The following CNTNAP5 variants were observed in gnomAD, a reference collection of about 807,000 sequenced individuals.
CNTNAP5 encodes contactin associated protein family member 5.
CNTNAP5 carries 72 observed loss-of-function variants against 150.2 expected under a neutral mutation model. The ratio of observed to expected loss-of-function variants is 0.48; its 90% confidence interval spans 0.40 to 0.58. The LOEUF is 0.58. Among genes scored for constraint, CNTNAP5 ranks in the 20% least tolerant of loss-of-function variants. The pLI is 0.00. For synonymous variants in CNTNAP5, 672 were observed against 619.8 expected (o/e 1.08, Z -1.25); for missense variants, 1,636 against 1,626.2 (o/e 1.01, Z -0.10).
At chr2:124,593,020 T>C (rs1290918208) in intron 11 of CNTNAP5, among the ~76,000 whole-genome samples, 1 of 151,708 alleles carries the variant, frequency 6.6e-6, no homozygotes, top group Non-Finnish European at 1.5e-5. Context: ...TTTTGAATCA[T>C]TGTTAGTAAT....
chr2:124,061,010 A>G (rs959522278), intron 1 of CNTNAP5, among the ~76,000 whole-genome samples: 2 of 152,090 alleles, frequency 1.3e-5, no homozygotes, highest in African/African-American at 4.8e-5. Flanking sequence ...TGCCAGTGCC[A>G]TTTACTGCAT....
chr2:124,687,473 T>C (rs1315612130), intron 13 of CNTNAP5, among the ~76,000 whole-genome samples: 1 of 152,092 alleles, frequency 6.6e-6, no homozygotes, highest in Non-Finnish European at 1.5e-5. Context: ...ATCTGAAATG[T>C]GCTACTCTGC....
Position 124,689,296 on chromosome 2 carries a change from G to A in CNTNAP5, c.2077+41338G>A, listed in dbSNP as rs551445173. On this transcript the variant is annotated intron_variant, in intron 13 of 23. Transcript: ENST00000682447. Reference sequence around the variant, plus strand: ...AATTTTAAACAAATTAACCATTATCGGGATGAAGATATTTGTAGAGGCCTA... The same window carrying A: ...AATTTTAAACAAATTAACCATTATCAGGATGAAGATATTTGTAGAGGCCTA... 2.4e-4 allele frequency among the ~76,000 whole-genome samples: 36 copies of A among 152,148 alleles called. No individual in the cohort carries two copies. In the East Asian group the frequency reaches 4.3e-3, roughly 18 times the overall value.
intron 1 of CNTNAP5, among the ~76,000 whole-genome samples, chr2:124,162,084 CT>C (rs1302179249): frequency 6.6e-6 from 1 of 152,100 alleles, no homozygotes; most frequent in African/African-American, 2.4e-5. Context: ...ACCTGAAAGC[CT>C]TGGGCAAGCT....
In CNTNAP5 at chr2:124,914,128, T is replaced by G; in HGVS notation, c.3764T>G (p.Ile1255Ser). ...IAVVIFIIFC[I>S]IGIMTRFLYQ... ...GTGGTGATATTCATCATCTTCTGTA[T>G]CATCGGCATCATGACCCGGTTCCTC... The change falls in exon 24 of 24, where the codon ATC becomes AGC. Residue 1255 changes from isoleucine (I) to serine (S), a missense_variant. Ile to Ser is a moderately radical substitution (Grantham distance 142). Coordinates refer to ENST00000682447, the MANE Select transcript of CNTNAP5 (RefSeq NM_001367498.1). The G allele has an allele frequency of 3.7e-6, 6 of 1,612,560 alleles. No individual in the cohort carries two copies. Among genetic ancestry groups the G allele is most frequent in the Non-Finnish European group, 5.1e-6 (6 of 1,178,962 alleles).
At chr2:124,301,291 G>A (rs796077544) in intron 3 of CNTNAP5, among the ~76,000 whole-genome samples, 13 of 152,310 alleles carry the variant, frequency 8.5e-5, no homozygotes, top group African/African-American at 3.1e-4. Context: ...ATCGATCAAC[G>A]TGTTAAACTA....
intron 11 of CNTNAP5, among the ~76,000 whole-genome samples, chr2:124,594,714 A>C (rs1696782220): frequency 7.3e-6 from 1 of 137,088 alleles, no homozygotes; most frequent in Non-Finnish European, 1.6e-5. Flanking sequence ...TTGAATCTGT[A>C]AATTACCTTG....
intron 6 of CNTNAP5, among the ~76,000 whole-genome samples, chr2:124,448,269 AAATAATAAT>A (rs869148616): frequency 1.4e-5 from 2 of 144,278 alleles, no homozygotes; most frequent in African/African-American, 2.5e-5. Context: ...CTCCGTCTTA[AAATAATAAT>A]AATAATAATA....
intron 19 of CNTNAP5, among the ~76,000 whole-genome samples, chr2:124,858,618 A>T (rs927245249): frequency 1.3e-5 from 2 of 152,242 alleles, no homozygotes; most frequent in Non-Finnish European, 2.9e-5. Context: ...AAATCAAGTT[A>T]AATAATGGGT....
chr2:124,027,354 G>A (rs1239624867), intron 1 of CNTNAP5, among the ~76,000 whole-genome samples: 4 of 152,200 alleles, frequency 2.6e-5, no homozygotes, highest in South Asian at 2.1e-4. Context: ...AGGCGTGGCA[G>A]CAAGCTAGCT....
chr2:124,162,490 A>C lies in CNTNAP5; in HGVS notation c.83-59215A>C, dbSNP rs1478514715. Among the ~76,000 whole-genome samples the C allele has an allele frequency of 2.0e-5, 3 of 152,156 alleles. No individual in the cohort carries two copies. The East Asian group carries it at 5.8e-4, about 29-fold the overall frequency. On this transcript the variant is annotated intron_variant, in intron 1 of 23. Coordinates refer to ENST00000682447, the MANE Select transcript of CNTNAP5 (RefSeq NM_001367498.1). ...CAAAGTCCAATGTAGCTGGCTTGCC[A>C]CCTGGTTAGTTTTTTCTCAAGTCAT...
chr2:124,284,439 A>T (rs1373802871), intron 3 of CNTNAP5, among the ~76,000 whole-genome samples: 1 of 152,072 alleles, frequency 6.6e-6, no homozygotes, highest in African/African-American at 2.4e-5. Context: ...GGAAGGGAAC[A>T]ACACACACTG....
chr2:124,900,332 A>G (rs1261322101), intron 21 of CNTNAP5, among the ~76,000 whole-genome samples: 3 of 151,488 alleles, frequency 2.0e-5, no homozygotes, highest in Non-Finnish European at 4.4e-5. Context: ...ATCATTTAGA[A>G]CCTTTCTAAC....
At chr2:124,391,476 C>T (rs1461324603) in intron 3 of CNTNAP5, among the ~76,000 whole-genome samples, 1 of 152,162 alleles carries the variant, frequency 6.6e-6, no homozygotes, top group African/African-American at 2.4e-5. Flanking sequence ...AGAAAGCAGC[C>T]GCCTCTCCTC....
chr2:124,239,128 A>C (rs752671804), intron 2 of CNTNAP5, among the ~76,000 whole-genome samples: 2 of 152,196 alleles, frequency 1.3e-5, no homozygotes, highest in Non-Finnish European at 2.9e-5. Flanking sequence ...CTGTGGGAAA[A>C]AGGGAGCTAT....
At chr2:124,602,975 T>G (rs1430999662) in intron 11 of CNTNAP5, among the ~76,000 whole-genome samples, 2 of 152,054 alleles carry the variant, frequency 1.3e-5, no homozygotes, top group African/African-American at 4.8e-5. Flanking sequence ...CTATAATTTT[T>G]GTGGTTATCT....
rs555552629 is a variant in CNTNAP5, at chr2:124,087,645, C to T, written c.82+61913C>T. Among the ~76,000 whole-genome samples the T allele has an allele frequency of 9.6e-4, 146 of 151,936 alleles. 1 individual carries two copies. Among genetic ancestry groups the T allele is most frequent in the Non-Finnish European group, 1.7e-3 (114 of 68,030 alleles). ...GCTGAGGCAGGAGAATTGCTTGAAT[C>T]TGGGAGGCGGAGGTTACAGTGAGCT... On this transcript the variant is annotated intron_variant, in intron 1 of 23. Coordinates refer to ENST00000682447, the MANE Select transcript of CNTNAP5 (RefSeq NM_001367498.1).
chr2:124,591,082 T>G (rs1161615915), intron 11 of CNTNAP5, among the ~76,000 whole-genome samples: 1 of 152,190 alleles, frequency 6.6e-6, no homozygotes, highest in Non-Finnish European at 1.5e-5. Context: ...TGAAGAGACT[T>G]AATATGTCTA....
At chr2:124,102,821 G>T (rs1683093269) in intron 1 of CNTNAP5, among the ~76,000 whole-genome samples, 1 of 152,190 alleles carries the variant, frequency 6.6e-6, no homozygotes, top group Non-Finnish European at 1.5e-5. Flanking sequence ...TAAATGAGCT[G>T]AATCAGGTAA....
Sources: gnomAD v4.1 joint callset for allele counts (sites outside exome capture counted in the v4.1 genomes callset) on GRCh38, gnomAD v4.1.1 for gene constraint, MANE v1.5 for transcripts, NCBI Gene and HGNC (gene_info 2026-07-23, HGNC 2026-07-21) for gene names.